Variants in ACTR3C observed in about 807,000 individuals in gnomAD.
ACTR3C encodes the protein actin related protein 3C, also known as actin-related protein 3C.
ACTR3C carries 18 observed loss-of-function variants against 26.3 expected under a neutral mutation model. The ratio of observed to expected loss-of-function variants is 0.68; its 90% CI spans 0.47 to 1.01. The LOEUF (loss-of-function observed/expected upper bound fraction) is 1.01. Ranked by LOEUF, ACTR3C falls within the 50% of genes least tolerant of loss-of-function variation. The pLI is 0.00. For synonymous variants in ACTR3C, 55 were observed against 94.5 expected (o/e 0.58, Z 2.42); for missense variants, 184 against 250.7 (o/e 0.73, Z 1.80).
At chr7:149,955,107 T>C in the ACTR3C span, among the ~76,000 whole-genome samples, 6 of 152,258 alleles carry the variant, frequency 3.9e-5, no homozygotes, top group African/African-American at 1.4e-4. Flanking sequence ...CTCTTTGCTG[T>C]GGACATAAAG....
the ACTR3C span, among the ~76,000 whole-genome samples, chr7:150,113,122 T>C: frequency 4.6e-5 from 7 of 152,040 alleles, no homozygotes; most frequent in Admixed American, 2.6e-4. Context: ...AGCTCTCTGC[T>C]GAGTCCTCCG....
At chr7:150,105,730 G>C in the ACTR3C span, among the ~76,000 whole-genome samples, 1 of 152,014 alleles carries the variant, frequency 6.6e-6, no homozygotes, top group Non-Finnish European at 1.5e-5. Flanking sequence ...CAAACTCAAA[G>C]TAAATAAAGC....
the ACTR3C span, among the ~76,000 whole-genome samples, chr7:150,111,041 G>A: frequency 1.9e-4 from 29 of 151,128 alleles, no homozygotes; most frequent in South Asian, 8.3e-4. Context: ...CTCATCCAGG[G>A]ATAACACGTG....
chr7:150,206,491 G>A, the ACTR3C span, among the ~76,000 whole-genome samples: 3 of 152,034 alleles, frequency 2.0e-5, no homozygotes, highest in Non-Finnish European at 4.4e-5. Context: ...TTGGCTCACC[G>A]CAACCTCCAC....
the ACTR3C span, among the ~76,000 whole-genome samples, chr7:150,208,368 G>C: frequency 6.6e-6 from 1 of 152,190 alleles, no homozygotes; most frequent in African/African-American, 2.4e-5. Context: ...ACGCATGAGA[G>C]AAACTCTCCA....
the ACTR3C span, among the ~76,000 whole-genome samples, chr7:149,970,964 T>A: frequency 6.6e-6 from 1 of 152,156 alleles, no homozygotes; most frequent in African/African-American, 2.4e-5. Flanking sequence ...TTCTTCCAGA[T>A]GACAATTTTC....
At chr7:149,948,936 A>G in the ACTR3C span, among the ~76,000 whole-genome samples, 1 of 151,640 alleles carries the variant, frequency 6.6e-6, no homozygotes, top group Admixed American at 6.6e-5. Flanking sequence ...TTTAGGAAAG[A>G]TAAGCTTGGG....
At chr7:150,095,825 C>T in the ACTR3C span, among the ~76,000 whole-genome samples, 26 of 150,516 alleles carry the variant, frequency 1.7e-4, no homozygotes, top group South Asian at 1.3e-3. Context: ...GTTCCATATG[C>T]ATATCTATGA....
At chr7:150,299,931 A>T (rs1317592886) in intron 1 of ACTR3C, among the ~76,000 whole-genome samples, 1 of 152,206 alleles carries the variant, frequency 6.6e-6, no homozygotes, top group Admixed American at 6.5e-5. Context: ...TTGTACAGTT[A>T]AAAATGGCTA....
At chr7:150,048,156 A>C in the ACTR3C span, among the ~76,000 whole-genome samples, 12 of 151,718 alleles carry the variant, frequency 7.9e-5, no homozygotes, top group East Asian at 1.9e-4. Flanking sequence ...TGCCACAGCC[A>C]CGTACGGCCT....
At chr7:150,023,943 A>G in the ACTR3C span, among the ~76,000 whole-genome samples, 2 of 135,760 alleles carry the variant, frequency 1.5e-5, no homozygotes, top group Non-Finnish European at 3.2e-5. Context: ...AGATGACAGG[A>G]GGAAGCGCAG....
the ACTR3C span, among the ~76,000 whole-genome samples, chr7:150,039,219 T>C: frequency 2.8e-5 from 4 of 141,100 alleles, no homozygotes; most frequent in African/African-American, 1.1e-4. Flanking sequence ...GCGATGGGGG[T>C]CCTAAGAGCC....
the ACTR3C span, among the ~76,000 whole-genome samples, chr7:150,040,844 G>C: frequency 2.0e-5 from 3 of 148,316 alleles, no homozygotes; most frequent in South Asian, 2.1e-4. Flanking sequence ...AGAGCCAGAG[G>C]GGGAAGAGGG....
At chr7:149,999,006 C>T in the ACTR3C span, among the ~76,000 whole-genome samples, 1 of 150,328 alleles carries the variant, frequency 6.7e-6, no homozygotes, top group Admixed American at 6.7e-5. Flanking sequence ...CATAAGAGAG[C>T]CTGGACGTTG....
At chr7:149,921,571 T>C in the ACTR3C span, among the ~76,000 whole-genome samples, 1 of 152,338 alleles carries the variant, frequency 6.6e-6, no homozygotes, top group East Asian at 1.9e-4. Context: ...AAGAGCAAAG[T>C]GGCTTTATCT....
At chr7:150,292,787 G>A (rs1315918971) in intron 3 of ACTR3C, among the ~76,000 whole-genome samples, 15 of 152,056 alleles carry the variant, frequency 9.9e-5, no homozygotes, top group Admixed American at 1.3e-4. Context: ...GTGAGCCACC[G>A]CGCCCAGCCC....
chr7:150,318,120 AGAGT>A (rs1246289228), intron 1 of ACTR3C, among the ~76,000 whole-genome samples: 1 of 152,232 alleles, frequency 6.6e-6, no homozygotes, highest in Non-Finnish European at 1.5e-5. Flanking sequence ...CGAGAAGAAT[AGAGT>A]GAGGCTAAAG....
At chr7:150,010,911 C>T in the ACTR3C span, among the ~76,000 whole-genome samples, 48,328 of 145,282 alleles carry the variant, frequency 0.33, 8,783 homozygotes, top group Non-Finnish European at 0.41. Flanking sequence ...CTTCCTGCTG[C>T]TGCCACTTTC....
At chr7:150,248,859 A>T (rs1832638688) in intron 7 of ACTR3C, 89 bp downstream of exon 7, 1 of 434,532 alleles carries the variant, frequency 2.3e-6, no homozygotes, top group African/African-American at 2.0e-5. Flanking sequence ...TTCAATAAGC[A>T]ATTATGGGTT....
Sources: gnomAD v4.1 joint callset for allele counts (sites outside exome capture counted in the v4.1 genomes callset) on GRCh38, gnomAD v4.1.1 for gene constraint, MANE v1.5 for transcripts, NCBI Gene and HGNC (gene_info 2026-07-23, HGNC 2026-07-21) for gene names.